CCDC33: variants seen among roughly 807,000 people sequenced by gnomAD.
The protein encoded by CCDC33 is coiled-coil domain containing 33, also known as coiled-coil domain-containing protein 33.
In CCDC33, 94 loss-of-function variants were observed where a neutral mutation model predicts 91.9. That is an observed-to-expected ratio of 1.02 (90% CI 0.87 to 1.21). CCDC33 has a LOEUF of 1.21. CCDC33 is among the 50% of genes most tolerant of loss of function. CCDC33 has a pLI of 0.00. For missense variants in CCDC33, 940 were observed against 935.5 expected (o/e 1.00, Z -0.06); for synonymous variants, 396 against 374.5 (o/e 1.06, Z -0.66).
At chr15:74,328,842 G>A (rs1054830644) in intron 11 of CCDC33, among the ~76,000 whole-genome samples, 2 of 152,298 alleles carry the variant, frequency 1.3e-5, no homozygotes, top group East Asian at 1.9e-4. Flanking sequence ...CTTCCTGGAG[G>A]TGTGAGTCCC....
chr15:74,230,961 C>A (rs1056594611), intron 2 of CCDC33, among the ~76,000 whole-genome samples: 2 of 152,132 alleles, frequency 1.3e-5, no homozygotes, highest in Admixed American at 1.3e-4. Flanking sequence ...AATCTTTTTG[C>A]CTATTTGGTG....
downstream of CCDC33, chr15:74,336,306 G>A (rs150093783): frequency 7.1e-7 from 1 of 1,405,674 alleles, no homozygotes; most frequent in African/African-American, 1.4e-5. Flanking sequence ...GACCCAGGAG[G>A]GTGGAGAGAA....
rs556194704 is a variant in CCDC33, at chr15:74,244,264, A to T, written c.185+116A>T. 123 of 1,323,126 alleles carry T rather than the reference A, an allele frequency of 9.3e-5. 1 individual carries two copies. Among genetic ancestry groups the T allele is most frequent in the Middle Eastern group, 5.4e-4 (2 of 3,676 alleles). The allele number at this position is 1,323,126 out of a possible 1,614,324, so 82.0% of individuals were successfully genotyped here. ...GCCCAGGACTGGGACTGTCATACCC[A>T]GAGGGGAGGAGCTGCTGTGGGCACT... is the stretch of plus-strand genomic sequence containing the variant. On this transcript the variant is annotated intron_variant, in intron 2 of 18. Coordinates refer to ENST00000398814, the MANE Select transcript of CCDC33 (RefSeq NM_025055.5). The surrounding 1 kb of genome is among the most constrained non-coding windows in gnomAD (Gnocchi z 4.2).
chr15:74,267,889 T>A (rs148126688), intron 4 of CCDC33, among the ~76,000 whole-genome samples: 2 of 152,318 alleles, frequency 1.3e-5, no homozygotes, highest in African/African-American at 4.8e-5. Flanking sequence ...TCTAAGCATT[T>A]CTTCAATCAT....
rs2076328925 is a variant in CCDC33, at chr15:74,271,902, C to A, written c.638+108C>A. The A allele has an allele frequency of 7.9e-6, 7 of 880,954 alleles. No individual in the cohort carries two copies. In the Admixed American group the frequency reaches 1.5e-4, roughly 19 times the overall value. The allele number at this position is 880,954 out of a possible 1,614,324, so 54.6% of individuals were successfully genotyped here. A position where few individuals can be genotyped will look rare whatever the true frequency, so the allele number is the denominator to read the frequency against. On this transcript the variant is annotated intron_variant, in intron 6 of 18. Transcript: ENST00000398814. Reference sequence around the variant, plus strand: ...GCTGATTCCAGGACCTCCGGCAACCCCTCTACCCCTAAGGCCCTTCAAGCC... The same window carrying A: ...GCTGATTCCAGGACCTCCGGCAACCACTCTACCCCTAAGGCCCTTCAAGCC...
At chr15:74,288,293 T>C (rs2059518873) in intron 10 of CCDC33, among the ~76,000 whole-genome samples, 1 of 152,170 alleles carries the variant, frequency 6.6e-6, no homozygotes, top group Admixed American at 6.5e-5. Context: ...GCAAACTATT[T>C]ATGGCATCTC....
chr15:74,264,909 C>G (rs1353470363), intron 3 of CCDC33, among the ~76,000 whole-genome samples: 1 of 152,152 alleles, frequency 6.6e-6, no homozygotes, highest in Non-Finnish European at 1.5e-5. Context: ...AGTTAGTATT[C>G]TGGTACTAGA....
At chr15:74,263,705 G>T (rs1423780230) in intron 3 of CCDC33, among the ~76,000 whole-genome samples, 1 of 152,230 alleles carries the variant, frequency 6.6e-6, no homozygotes, top group Non-Finnish European at 1.5e-5. Context: ...ATGCCTGCAT[G>T]CTGGTTCATG....
chr15:74,280,375 A>T (rs1444135106), intron 8 of CCDC33, among the ~76,000 whole-genome samples: 2 of 152,170 alleles, frequency 1.3e-5, no homozygotes, highest in African/African-American at 4.8e-5. Context: ...GAGAGGGGTG[A>T]GGGAGATGGG....
At chr15:74,315,719 G>T (rs535562107) in intron 11 of CCDC33, among the ~76,000 whole-genome samples, 2 of 152,178 alleles carry the variant, frequency 1.3e-5, no homozygotes. Context: ...GTAGGTGGGG[G>T]AACTGCGTGA....
rs192966224 is a variant in CCDC33 at position 74,211,526 on chromosome 15, G to A, written n.237-620G>A. On this transcript the variant is annotated intron_variant and non_coding_transcript_variant, in intron 2 of 3. Coordinates refer to the CCDC33 transcript ENST00000558645. ...AGCGATTCTCCTGCTTCGGCCTCCC[G>A]AGTAGCTCGGATTACAGGCATGCAC... 3.3e-4 allele frequency among the ~76,000 whole-genome samples: 50 copies of A among 150,140 alleles called. No homozygotes were observed. In the East Asian group the frequency reaches 6.1e-3, roughly 18 times the overall value.
intron 11 of CCDC33, among the ~76,000 whole-genome samples, chr15:74,314,922 G>C (rs968106292): frequency 3.3e-5 from 5 of 152,188 alleles, no homozygotes; most frequent in African/African-American, 1.2e-4. Flanking sequence ...AGCCAGGCAG[G>C]GCCCAGAGAA....
intron 1 of CCDC33, chr15:74,208,959 G>A: frequency 1.0e-6 from 1 of 1,003,326 alleles, no homozygotes; most frequent in Non-Finnish European, 1.2e-6. Flanking sequence ...CTAGAGGGGT[G>A]GCTGGTTGTG....
chr15:74,271,691 TCTC>T lies in CCDC33; in HGVS notation c.547-8_547-6del. On this transcript the variant is annotated splice_polypyrimidine_tract_variant and intron_variant, in intron 5 of 18. Coordinates refer to ENST00000398814, the MANE Select transcript of CCDC33 (RefSeq NM_025055.5). ...CATGGTGTTCACCTGCCTCCTCTCC[TCTC>T]CTCTCCAGATCTTTCTCCGGGGAGT... The T allele has an allele frequency of 6.2e-7, 1 of 1,609,274 alleles. No homozygotes were observed. Among genetic ancestry groups the T allele is most frequent in the Non-Finnish European group, 8.5e-7 (1 of 1,175,866 alleles).
At chr15:74,318,090 G>C (rs554189187) in intron 11 of CCDC33, among the ~76,000 whole-genome samples, 20 of 150,494 alleles carry the variant, frequency 1.3e-4, no homozygotes, top group Admixed American at 2.0e-4. Context: ...CTGCTGCGGG[G>C]TGGGGAGGAC....
intron 10 of CCDC33, among the ~76,000 whole-genome samples, chr15:74,294,761 G>T (rs199882279): frequency 7.4e-6 from 1 of 135,626 alleles, no homozygotes; most frequent in Admixed American, 7.4e-5. Flanking sequence ...AAAAAAAAAA[G>T]AAAAAAAAAT....
At chr15:74,251,405 C>T (rs74616972) in intron 2 of CCDC33, among the ~76,000 whole-genome samples, 1 of 152,172 alleles carries the variant, frequency 6.6e-6, no homozygotes, top group Non-Finnish European at 1.5e-5. Context: ...CTGACAGGCA[C>T]GGGGTGCCCC....
intron 11 of CCDC33, chr15:74,302,854 G>T (rs1373546377): frequency 6.5e-6 from 1 of 152,794 alleles, no homozygotes. Context: ...TGCACTCATA[G>T]TGCTCCCACT....
At chr15:74,289,960 C>T (rs2059554736) in intron 10 of CCDC33, among the ~76,000 whole-genome samples, 1 of 152,088 alleles carries the variant, frequency 6.6e-6, no homozygotes, top group African/African-American at 2.4e-5. Context: ...GAGCCCAGTG[C>T]ATAATTGGTA....
Sources: gnomAD v4.1 joint callset for allele counts (sites outside exome capture counted in the v4.1 genomes callset) on GRCh38, gnomAD v4.1.1 for gene constraint, Gnocchi (gnomAD v3.1) non-coding constraint, MANE v1.5 for transcripts, NCBI Gene and HGNC (gene_info 2026-07-23, HGNC 2026-07-21) for gene names.